The following FGF14 variants were observed in gnomAD, a reference collection of about 807,000 sequenced individuals.
The protein encoded by FGF14 is fibroblast growth factor 14, also known as fibroblast growth factor homologous factor 4.
In FGF14, 5 loss-of-function variants were observed where a neutral mutation model predicts 25.5. The observed-to-expected ratio is 0.20, with a 90% CI of 0.10 to 0.41. The LOEUF is 0.41. Ranked by LOEUF, FGF14 falls within the 10% of genes least tolerant of loss-of-function variation. The pLI, the probability that FGF14 is intolerant of heterozygous loss-of-function variation, is 1.00. For missense variants in FGF14, 222 were observed against 320.1 expected, an observed-to-expected ratio of 0.69 and a Z score of 2.34; for synonymous variants, 138 against 118.3, an observed-to-expected ratio of 1.17 and a Z score of -1.08.
chr13:102,348,747 G>A (rs2057186166), intron 1 of FGF14, among the ~76,000 whole-genome samples: 1 of 152,168 alleles, frequency 6.6e-6, no homozygotes, highest in African/African-American at 2.4e-5. Flanking sequence ...AAGAAACCAG[G>A]AAACTGAAGA....
intron 1 of FGF14, among the ~76,000 whole-genome samples, chr13:102,148,112 C>T (rs2046929338): frequency 6.6e-6 from 1 of 152,076 alleles, no homozygotes; most frequent in African/African-American, 2.4e-5. Flanking sequence ...ACGGTCCCTG[C>T]ATCGAAAATG....
intron 1 of FGF14, among the ~76,000 whole-genome samples, chr13:102,202,903 G>A (rs1484982951): frequency 6.6e-6 from 1 of 152,160 alleles, no homozygotes; most frequent in Non-Finnish European, 1.5e-5. Flanking sequence ...TCAAAGAAAT[G>A]GAGAATGGGC....
chr13:101,823,821 C>T (rs1419835491), intron 3 of FGF14, among the ~76,000 whole-genome samples: 1 of 149,372 alleles, frequency 6.7e-6, no homozygotes, highest in South Asian at 2.1e-4. Context: ...GTACATATAT[C>T]TTTTATATAT....
At chr13:101,932,431 G>A (rs1168606378) in intron 1 of FGF14, among the ~76,000 whole-genome samples, 1 of 150,268 alleles carries the variant, frequency 6.7e-6, no homozygotes, top group Non-Finnish European at 1.5e-5. Flanking sequence ...TACTCAGGAG[G>A]CTGAGGCAGG....
intron 1 of FGF14, among the ~76,000 whole-genome samples, chr13:102,114,839 G>A (rs1021080690): frequency 1.2e-4 from 18 of 152,052 alleles, no homozygotes; most frequent in Admixed American, 3.3e-4. Context: ...AGGGGGAGAG[G>A]AGAAGTTACT....
At chr13:101,822,112 C>A (rs116786390) in intron 3 of FGF14, among the ~76,000 whole-genome samples, 333 of 152,206 alleles carry the variant, frequency 2.2e-3, no homozygotes, top group African/African-American at 7.6e-3. Flanking sequence ...TTTGTGTTGT[C>A]TTTTAGAAAC....
chr13:101,919,061 G>T (rs1356953499), upstream of FGF14, among the ~76,000 whole-genome samples: 2 of 152,060 alleles, frequency 1.3e-5, no homozygotes, highest in African/African-American at 2.4e-5. Context: ...TTGTGAGTGT[G>T]CATTTATGTT....
intron 1 of FGF14, among the ~76,000 whole-genome samples, chr13:102,362,182 T>A (rs2057585534): frequency 6.6e-6 from 1 of 152,190 alleles, no homozygotes; most frequent in Non-Finnish European, 1.5e-5. Flanking sequence ...GGCCTGGGTT[T>A]AACCGTTTCA....
chr13:102,088,425 A>C (rs1267559807), intron 1 of FGF14, among the ~76,000 whole-genome samples: 1 of 152,220 alleles, frequency 6.6e-6, no homozygotes, highest in Non-Finnish European at 1.5e-5. Context: ...ATTTTTTAAA[A>C]GTTCATGTTA....
At chr13:102,072,518 G>T (rs947188750) in intron 1 of FGF14, among the ~76,000 whole-genome samples, 1 of 152,112 alleles carries the variant, frequency 6.6e-6, no homozygotes, top group African/African-American at 2.4e-5. Flanking sequence ...GGCCCTACAA[G>T]TTCTTAACAA....
intron 2 of FGF14, among the ~76,000 whole-genome samples, chr13:101,872,643 C>T (rs935308271): frequency 6.6e-6 from 1 of 152,036 alleles, no homozygotes; most frequent in Non-Finnish European, 1.5e-5. Flanking sequence ...ATTTCCATTA[C>T]TTTTATAAAT....
intron 1 of FGF14, among the ~76,000 whole-genome samples, chr13:102,061,596 C>T (rs1479505571): frequency 6.6e-6 from 1 of 152,198 alleles, no homozygotes; most frequent in Non-Finnish European, 1.5e-5. Context: ...CAATGCTTAT[C>T]ATGGCAGACT....
At position 101,868,846 on chromosome 13, in the gene FGF14, G is replaced by A; in HGVS notation, c.305-18C>T. On this transcript the variant is annotated intron_variant, in intron 2 of 4. Coordinates refer to ENST00000376143, the MANE Select transcript of FGF14 (RefSeq NM_004115.4). ...GAAGAGTGCTGTGAAGATAAACATTGTCTATCATGAATGGGCAGGAAGAAG... is the reference window on the plus strand; with the variant it reads ...GAAGAGTGCTGTGAAGATAAACATTATCTATCATGAATGGGCAGGAAGAAG... 1 of 1,546,782 alleles carries A rather than the reference G, an allele frequency of 6.5e-7. No individual in the cohort carries two copies. Among genetic ancestry groups the A allele is most frequent in the Non-Finnish European group, 8.9e-7 (1 of 1,118,874 alleles).
At chr13:102,350,198 G>C (rs183472254) in intron 1 of FGF14, among the ~76,000 whole-genome samples, 1 of 151,908 alleles carries the variant, frequency 6.6e-6, no homozygotes, top group Non-Finnish European at 1.5e-5. Context: ...TAAGACCTCC[G>C]TCTCTACAAA....
In FGF14 at chr13:102,387,622, T is replaced by C. The variant is rs115151694; in HGVS notation, c.208+13849A>G. Among the ~76,000 whole-genome samples the C allele has an allele frequency of 2.3e-3, 349 of 152,368 alleles. 2 individuals are homozygous for C. The highest frequency in any genetic ancestry group is 8.2e-3 in the African/African-American group (342 of 41,586). On this transcript the variant is annotated intron_variant, in intron 1 of 4. Coordinates refer to the FGF14 transcript ENST00000376131. ...AGGTTCAGGGGTGCATGTGCAGGTT[T>C]GTTATGTAGGTAAATAGTGTATCAC...
chr13:102,118,486 G>A (rs911112936), intron 1 of FGF14, among the ~76,000 whole-genome samples: 4 of 151,998 alleles, frequency 2.6e-5, no homozygotes, highest in Non-Finnish European at 5.9e-5. Context: ...AGGATCTTGC[G>A]TTGCTTAGAT....
intron 1 of FGF14, among the ~76,000 whole-genome samples, chr13:102,389,013 A>G (rs1421227834): frequency 6.6e-6 from 1 of 152,122 alleles, no homozygotes; most frequent in African/African-American, 2.4e-5. Context: ...TTTCATTCAC[A>G]TTACTCCTCT....
At chr13:101,841,339 T>C (rs1424229828) in intron 3 of FGF14, among the ~76,000 whole-genome samples, 1 of 151,924 alleles carries the variant, frequency 6.6e-6, no homozygotes, top group Non-Finnish European at 1.5e-5. Flanking sequence ...AAAAGTAATC[T>C]CTATATACTC....
intron 1 of FGF14, among the ~76,000 whole-genome samples, chr13:102,114,990 A>G (rs1227765570): frequency 6.6e-6 from 1 of 152,192 alleles, no homozygotes; most frequent in Non-Finnish European, 1.5e-5. Context: ...GTAAAATAAA[A>G]TAAACATTTC....
Sources: gnomAD v4.1 joint callset for allele counts (sites outside exome capture counted in the v4.1 genomes callset) on GRCh38, gnomAD v4.1.1 for gene constraint, MANE v1.5 for transcripts, NCBI Gene and HGNC (gene_info 2026-07-23, HGNC 2026-07-21) for gene names.